The following SYNE2 variants were observed in gnomAD, a reference collection of about 807,000 sequenced individuals.
The protein encoded by SYNE2 is spectrin repeat containing nuclear envelope protein 2.
In SYNE2, 431 loss-of-function variants were observed where a neutral mutation model predicts 856.3. The ratio of observed to expected loss-of-function variants is 0.50; its 90% CI spans 0.47 to 0.55. SYNE2 has a LOEUF of 0.55. Ranked by LOEUF, SYNE2 falls within the 20% of genes least tolerant of loss-of-function variation. The pLI is 0.00. For missense variants in SYNE2, 8,129 were observed against 8,023.2 expected, an observed-to-expected ratio of 1.01 and a Z score of -0.50; for synonymous variants, 2,923 against 2,872.3, an observed-to-expected ratio of 1.02 and a Z score of -0.56.
At chr14:64,020,688 CAAG>C (rs1304912455) in intron 35 of SYNE2, among the ~76,000 whole-genome samples, 2 of 152,096 alleles carry the variant, frequency 1.3e-5, no homozygotes, top group Non-Finnish European at 2.9e-5. Flanking sequence ...GAATTTCACT[CAAG>C]TCATCCTAGG....
rs1332760178 is a variant in SYNE2 at position 64,225,182 on chromosome 14, G to A, written c.20516+137G>A. ...CTGGAAAGGGCTGGTTTTCTCCTCT[G>A]AAACTGAACCCCAACTGTTGGCCCT... On this transcript the variant is annotated intron_variant, in intron 115 of 115. Transcript: ENST00000555002. 4 of 1,555,058 alleles carry A rather than the reference G, an allele frequency of 2.6e-6. No homozygotes were observed. The East Asian group carries it at 6.8e-5, about 26-fold the overall frequency.
chr14:64,212,020 C>T lies in SYNE2; in HGVS notation c.18783C>T (p.Leu6261=). 1.9e-6 allele frequency: 3 copies of T among 1,614,188 alleles called. No individual in the cohort carries two copies. Among genetic ancestry groups the T allele is most frequent in the South Asian group, 2.2e-5 (2 of 91,080 alleles). Residue 6261 remains leucine, a synonymous_variant, in exon 104 of 116, where the codon CTC becomes CTT. Coordinates refer to ENST00000555002, the MANE Select transcript of SYNE2 (RefSeq NM_182914.3). ...CCAGGGAGAGCATTCTGGTGTGGCT[C>T]ACAGAGATGGACCTGCAGCTGACCA... is the stretch of plus-strand genomic sequence containing the variant. ...EGTRESILVW[L]TEMDLQLTNV...
chr14:63,859,780 C>T (rs1431147279), intron 1 of SYNE2, among the ~76,000 whole-genome samples: 1 of 152,168 alleles, frequency 6.6e-6, no homozygotes, highest in Non-Finnish European at 1.5e-5. Flanking sequence ...CATGACGCTG[C>T]AGTCCAGCCT....
At chr14:63,911,444 T>C (rs558658739) in intron 2 of SYNE2, among the ~76,000 whole-genome samples, 12 of 152,322 alleles carry the variant, frequency 7.9e-5, no homozygotes, top group African/African-American at 2.6e-4. Context: ...ATTTTGACTT[T>C]TATGTAGCAT....
intron 45 of SYNE2, among the ~76,000 whole-genome samples, chr14:64,046,565 G>A (rs1291223169): frequency 1.3e-5 from 2 of 152,080 alleles, no homozygotes. Context: ...GTTACCCATG[G>A]TGAACTCCTT....
intron 70 of SYNE2, among the ~76,000 whole-genome samples, chr14:64,124,794 C>T (rs994398727): frequency 9.9e-5 from 15 of 152,032 alleles, no homozygotes; most frequent in Admixed American, 9.2e-4. Context: ...CCTGAGGTCA[C>T]GAGTTCAAGA....
chr14:63,823,243 A>G (rs1407717741), intron 1 of SYNE2, among the ~76,000 whole-genome samples: 2 of 151,820 alleles, frequency 1.3e-5, no homozygotes, highest in African/African-American at 4.8e-5. Flanking sequence ...CAGTGGCGCA[A>G]TCTCGGCTCA....
intron 48 of SYNE2, among the ~76,000 whole-genome samples, chr14:64,054,818 A>C (rs1490164608): frequency 6.6e-6 from 1 of 152,224 alleles, no homozygotes; most frequent in Admixed American, 6.5e-5. Context: ...TTAAATTTTT[A>C]GAAGTGGAAG....
chr14:64,013,006 A>C (rs943542489), intron 32 of SYNE2, among the ~76,000 whole-genome samples: 1 of 152,228 alleles, frequency 6.6e-6, no homozygotes, highest in Non-Finnish European at 1.5e-5. Flanking sequence ...TCTTTAATGA[A>C]AGACAGAAGT....
chr14:63,929,994 A>G (rs1321066080), intron 2 of SYNE2, among the ~76,000 whole-genome samples: 5 of 152,104 alleles, frequency 3.3e-5, no homozygotes, highest in South Asian at 2.1e-4. Context: ...TTAAAATACA[A>G]TGAGATGGGG....
chr14:63,941,686 C>T lies in SYNE2; in HGVS notation c.142-9C>T. The T allele has an allele frequency of 6.2e-7, 1 of 1,611,530 alleles. No homozygotes were observed. Among genetic ancestry groups the T allele is most frequent in the South Asian group, 1.1e-5 (1 of 90,958 alleles). Reference sequence around the variant, plus strand: ...TTTGAATGATTATTTTTCTTGTGACCTTCTGCAGCACACTTCTCCCTCAGT... The same window carrying T: ...TTTGAATGATTATTTTTCTTGTGACTTTCTGCAGCACACTTCTCCCTCAGT... On this transcript the variant is annotated splice_polypyrimidine_tract_variant and intron_variant, in intron 3 of 115. Coordinates refer to ENST00000555002, the MANE Select transcript of SYNE2 (RefSeq NM_182914.3).
intron 51 of SYNE2, among the ~76,000 whole-genome samples, chr14:64,069,723 C>A (rs1477100584): frequency 2.0e-5 from 3 of 152,194 alleles, no homozygotes; most frequent in Non-Finnish European, 2.9e-5. Flanking sequence ...TGGCATGCCC[C>A]AGGCCACTAG....
At chr14:64,109,032 C>T (rs1009570744) in intron 65 of SYNE2, among the ~76,000 whole-genome samples, 4 of 151,946 alleles carry the variant, frequency 2.6e-5, no homozygotes, top group African/African-American at 9.7e-5. Context: ...CACACCATCA[C>T]GCCTGGCTAA....
intron 99 of SYNE2, among the ~76,000 whole-genome samples, chr14:64,195,807 C>T (rs946801189): frequency 6.6e-6 from 1 of 152,166 alleles, no homozygotes; most frequent in African/African-American, 2.4e-5. Flanking sequence ...AGTTGACTTG[C>T]GTTGGTCTTA....
rs559184712 is a variant in SYNE2, at chr14:64,002,192, C to G, written c.3786+111C>G. 21 of 966,338 alleles carry G rather than the reference C, an allele frequency of 2.2e-5. No homozygotes were observed. The African/African-American group carries it at 3.0e-4, about 14-fold the overall frequency. 59.9% of individuals were successfully genotyped at this position (966,338 alleles called of 1,614,324 possible). On this transcript the variant is annotated intron_variant, in intron 29 of 115. Transcript: ENST00000555002. ...TGATAGCATAGATTAAGAGTATAAGCCATGACAGTTTTTTTTTCAGTAATT... is the reference window on the plus strand; with the variant it reads ...TGATAGCATAGATTAAGAGTATAAGGCATGACAGTTTTTTTTTCAGTAATT...
chr14:64,020,618 G>T (rs1195739489), intron 35 of SYNE2, among the ~76,000 whole-genome samples: 2 of 152,114 alleles, frequency 1.3e-5, no homozygotes, highest in Non-Finnish European at 2.9e-5. Context: ...GGCAAATGTT[G>T]CCTGTGCATC....
chr14:63,956,436 A>G (rs1231073358), intron 8 of SYNE2: 1 of 456,560 alleles, frequency 2.2e-6, no homozygotes, highest in African/African-American at 2.0e-5. Flanking sequence ...CCAGCTTACA[A>G]AAACTTCTGA....
intron 7 of SYNE2, among the ~76,000 whole-genome samples, chr14:63,954,256 A>T (rs2153436072): frequency 6.6e-6 from 1 of 152,322 alleles, no homozygotes; most frequent in East Asian, 1.9e-4. Context: ...CCACTGAAAA[A>T]GGAAATCATT....
chr14:63,789,505 G>GGC (rs1348027478), intron 1 of SYNE2, among the ~76,000 whole-genome samples: 2 of 152,096 alleles, frequency 1.3e-5, no homozygotes, highest in African/African-American at 4.8e-5. Flanking sequence ...AATCTGGCCG[G>GGC]GCGCAGTGGC....
Sources: allele counts gnomAD v4.1 joint callset (sites outside exome capture counted in the v4.1 genomes callset), GRCh38; gene constraint gnomAD v4.1.1; transcripts MANE v1.5; gene names NCBI Gene and HGNC (gene_info 2026-07-23, HGNC 2026-07-21).